Variants in SOX30 observed in about 807,000 individuals in gnomAD.
SOX30 encodes the protein SRY-box transcription factor 30.
SOX30 carries 17 observed loss-of-function variants against 58.6 expected under a neutral mutation model. That is an observed-to-expected ratio of 0.29 (90% CI 0.20 to 0.44). The LOEUF (loss-of-function observed/expected upper bound fraction) is 0.44, where lower values mean the gene tolerates loss of function less well. Ranked by LOEUF, SOX30 falls within the 20% of genes least tolerant of loss-of-function variation. SOX30 has a pLI of 1.00. For synonymous variants in SOX30, 421 were observed against 400.2 expected (o/e 1.05, Z -0.62); for missense variants, 951 against 965.8 (o/e 0.98, Z 0.20).
chr5:157,642,669 TAAC>T (rs555046481), intron 3 of SOX30, among the ~76,000 whole-genome samples: 14 of 151,534 alleles, frequency 9.2e-5, no homozygotes, highest in Admixed American at 5.9e-4. Flanking sequence ...ATAACAAAAA[TAAC>T]AACAACAACA....
chr5:157,644,993 AATAAC>A (rs1016479562), intron 3 of SOX30, among the ~76,000 whole-genome samples: 2 of 152,148 alleles, frequency 1.3e-5, no homozygotes, highest in African/African-American at 2.4e-5. Flanking sequence ...AAAATAAATA[AATAAC>A]ATAACAGAAA....
At chr5:157,659,645 A>T (rs1219757712) in intron 2 of SOX30, among the ~76,000 whole-genome samples, 1 of 152,246 alleles carries the variant, frequency 6.6e-6, no homozygotes, top group Non-Finnish European at 1.5e-5. Flanking sequence ...GGTTAAGGAC[A>T]TCCCCGTGAC....
rs2113828423 is a variant in SOX30 at position 157,626,325 on chromosome 5, A to G, written c.*15T>C. On this transcript the variant is annotated 3_prime_UTR_variant, in exon 5 of 5. Coordinates refer to ENST00000265007, the MANE Select transcript of SOX30 (RefSeq NM_178424.2). ...TTTAAGAAATGTTTATTTTCTGTGC[A>G]TATTTGTTTTAAAATTATAAATCCC... 1 of 1,574,400 alleles carries G rather than the reference A, an allele frequency of 6.4e-7. No homozygotes were observed. Among genetic ancestry groups the G allele is most frequent in the South Asian group, 1.2e-5 (1 of 84,940 alleles).
Position 157,651,488 on chromosome 5 carries a change from T to C in SOX30, c.591A>G (p.Gln197=), listed in dbSNP as rs201367572. ...EAEEVMRDSM[Q]GGAGKSPAAI... The stretch of plus-strand genomic sequence containing the variant: ...CTGCCGGGCTTTTGCCTGCCCCGCC[T>C]TGCATCGAGTCTCTCATGACCTCCT... The change falls in exon 1 of 5, where the codon CAA becomes CAG. Residue 197 remains glutamine (Q), a synonymous_variant. Coordinates refer to ENST00000265007, the MANE Select transcript of SOX30 (RefSeq NM_178424.2). 5.0e-6 allele frequency: 8 copies of C among 1,613,446 alleles called. No homozygotes were observed. In the East Asian group the frequency reaches 6.7e-5, roughly 13 times the overall value.
chr5:157,651,870 A>C lies in SOX30; in HGVS notation c.209T>G (p.Leu70Arg). 1 of 1,559,528 alleles carries C rather than the reference A, an allele frequency of 6.4e-7. No individual in the cohort carries two copies. The highest frequency in any genetic ancestry group is 8.6e-7 in the Non-Finnish European group (1 of 1,157,930). Residue 70 changes from leucine to arginine, a missense_variant, in exon 1 of 5, where the codon CTG becomes CGG. Around this residue, in one of 7 missense-constraint regions of SOX30, gnomAD observed 363 missense variants for 294.5 expected, o/e 1.23. Coordinates refer to ENST00000265007, the MANE Select transcript of SOX30 (RefSeq NM_178424.2). ...ASGLQPAVRR[L>R]LQVKPEQVLL... is the part of the protein sequence containing the mutation. ...CACCTGCTCTGGCTTCACCTGCAGC[A>C]GCCGCCGCACCGCGGGCTGTAAGCC...
At chr5:157,626,866 C>A in intron 4 of SOX30, 145 bp from the exon 5 acceptor site, 1 of 851,318 alleles carries the variant, frequency 1.2e-6, no homozygotes, top group Non-Finnish European at 1.7e-6. Flanking sequence ...TGCTCTTTTC[C>A]CACTGCCCAG....
At position 157,652,373 on chromosome 5, in the gene SOX30, C is replaced by T. The variant is rs1206309381; in HGVS notation, c.-295G>A. 1.7e-6 allele frequency: 2 copies of T among 1,143,464 alleles called. No homozygotes were observed. Among genetic ancestry groups the T allele is most frequent in the Non-Finnish European group, 2.1e-6 (2 of 932,656 alleles). 70.8% of individuals were successfully genotyped at this position (1,143,464 alleles called of 1,614,324 possible). A position where few individuals can be genotyped will look rare whatever the true frequency, so the allele number is the denominator to read the frequency against. ...CTTGTTGCACATTTTCGTTCTGACT[C>T]TCTTGTGGAGTTCTCTTACAGCCGT... is the stretch of plus-strand genomic sequence containing the variant. On this transcript the variant is annotated 5_prime_UTR_variant, in exon 1 of 5. Transcript: ENST00000265007.
At chr5:157,643,881 T>G (rs1353755632) in intron 3 of SOX30, among the ~76,000 whole-genome samples, 1 of 152,092 alleles carries the variant, frequency 6.6e-6, no homozygotes, top group African/African-American at 2.4e-5. Context: ...GCACACGAGA[T>G]GTGTGCTATA....
At chr5:157,650,617 T>A (rs544654957) in intron 1 of SOX30, among the ~76,000 whole-genome samples, 4 of 152,356 alleles carry the variant, frequency 2.6e-5, no homozygotes, top group African/African-American at 7.2e-5. Context: ...TTACATTGAA[T>A]CACGTATTGT....
chr5:157,650,995 G>C (rs1451371478), intron 1 of SOX30, 117 bp downstream of exon 1: 1 of 788,172 alleles, frequency 1.3e-6, no homozygotes, highest in Non-Finnish European at 2.0e-6. Context: ...ACTCTGCCCT[G>C]AAAACAATCA....
chr5:157,626,786 AC>A, intron 4 of SOX30, 65 bp from the exon 5 acceptor site: 1 of 1,505,232 alleles, frequency 6.6e-7, no homozygotes, highest in South Asian at 1.3e-5. Flanking sequence ...ATACAGACTA[AC>A]AGAGCAAGTT....
chr5:157,657,545 A>T (rs1480193238), intron 2 of SOX30, among the ~76,000 whole-genome samples: 2 of 152,242 alleles, frequency 1.3e-5, no homozygotes, highest in Non-Finnish European at 2.9e-5. Context: ...GTTCAGGAAT[A>T]TCAAGCAGAA....
At chr5:157,632,564 C>T (rs1262382741) in intron 4 of SOX30, among the ~76,000 whole-genome samples, 4 of 151,928 alleles carry the variant, frequency 2.6e-5, no homozygotes, top group African/African-American at 9.7e-5. Flanking sequence ...GAGCCGAGAT[C>T]GTGGCATTAC....
intron 1 of SOX30, among the ~76,000 whole-genome samples, chr5:157,670,421 TGA>T (rs1402361514): frequency 6.6e-6 from 1 of 152,156 alleles, no homozygotes; most frequent in Non-Finnish European, 1.5e-5. Flanking sequence ...TGAAATTTAA[TGA>T]GATAATCCAG....
Position 157,638,485 on chromosome 5 carries a change from C to T in SOX30, c.1625G>A (p.Ser542Asn). The T allele has an allele frequency of 6.2e-7, 1 of 1,614,152 alleles. No homozygotes were observed. The highest frequency in any genetic ancestry group is 8.5e-7 in the Non-Finnish European group (1 of 1,180,030). ...TGCACTACTTGAAATCCTGTTGGCG[C>T]TCTCTAGAGAGACAGGAGTGGGTTG... Reference protein sequence around the residue: ...VKQPTPVSLESANRISSSAST... With the variant: ...VKQPTPVSLENANRISSSAST... Residue 542 changes from serine to asparagine, a missense_variant, in exon 4 of 5, where the codon AGC becomes AAC. Coordinates refer to ENST00000265007, the MANE Select transcript of SOX30 (RefSeq NM_178424.2).
At chr5:157,645,581 G>A (rs1366104766) in intron 3 of SOX30, among the ~76,000 whole-genome samples, 2 of 151,646 alleles carry the variant, frequency 1.3e-5, no homozygotes, top group African/African-American at 2.4e-5. Flanking sequence ...AGAATCACTT[G>A]AGCCCAGGAG....
chr5:157,648,844 G>A lies in SOX30; in HGVS notation c.1020C>T (p.Pro340=), dbSNP rs749295229. 1.7e-5 allele frequency: 27 copies of A among 1,611,654 alleles called. No homozygotes were observed. Among genetic ancestry groups the A allele is most frequent in the Non-Finnish European group, 2.1e-5 (25 of 1,179,730 alleles). The part of the protein sequence containing the change: ...SKDRNGHVKR[P]MNAFMVWARI... Reference sequence around the variant, plus strand: ...TTGCCCAAACCATAAATGCGTTCATGGGTCGCTTCACATGACCATTTCTGT... The same window carrying A: ...TTGCCCAAACCATAAATGCGTTCATAGGTCGCTTCACATGACCATTTCTGT... The change falls in exon 2 of 5, where the codon CCC becomes CCT. Residue 340 remains proline (P), a synonymous_variant. Coordinates refer to ENST00000265007, the MANE Select transcript of SOX30 (RefSeq NM_178424.2).
intron 4 of SOX30, among the ~76,000 whole-genome samples, chr5:157,629,964 CT>C (rs1251549357): frequency 1.3e-5 from 2 of 152,126 alleles, no homozygotes; most frequent in Non-Finnish European, 2.9e-5. Context: ...TTATCTGATC[CT>C]TGTATCCTTC....
At chr5:157,652,852 T>G (rs1271286777), upstream of SOX30, among the ~76,000 whole-genome samples, 1 of 152,168 alleles carries the variant, frequency 6.6e-6, no homozygotes, top group Non-Finnish European at 1.5e-5. Flanking sequence ...CTTGTCACCC[T>G]TGCCCCACTA....
Sources: allele counts gnomAD v4.1 joint callset (sites outside exome capture counted in the v4.1 genomes callset), GRCh38; gene constraint gnomAD v4.1.1; regional missense constraint gnomAD v4.1.1; transcripts MANE v1.5; gene names NCBI Gene and HGNC (gene_info 2026-07-23, HGNC 2026-07-21).